Variants in THSD7A observed in about 807,000 individuals in gnomAD.
THSD7A encodes the protein thrombospondin type-1 domain-containing protein 7A.
In THSD7A, 96 loss-of-function variants were observed where a neutral mutation model predicts 231.3. That is an observed-to-expected ratio of 0.41 (90% CI 0.35 to 0.49). The LOEUF is 0.49. Ranked by LOEUF, THSD7A falls within the 20% of genes least tolerant of loss-of-function variation. The pLI, the probability that THSD7A is intolerant of heterozygous loss-of-function variation, is 0.05. For missense variants in THSD7A, 2,290 were observed against 2,070.2 expected, an observed-to-expected ratio of 1.11 and a Z score of -2.06; for synonymous variants, 940 against 743.3, an observed-to-expected ratio of 1.26 and a Z score of -4.30.
At chr7:11,598,385 G>A (rs1322171364) in intron 2 of THSD7A, among the ~76,000 whole-genome samples, 3 of 152,176 alleles carry the variant, frequency 2.0e-5, no homozygotes, top group African/African-American at 7.2e-5. Context: ...TGGATAGGAT[G>A]ACCTGTTCTG....
At chr7:11,518,062 C>A (rs2128315215) in intron 6 of THSD7A, among the ~76,000 whole-genome samples, 1 of 152,230 alleles carries the variant, frequency 6.6e-6, no homozygotes, top group South Asian at 2.1e-4. Flanking sequence ...GGATGGTTGA[C>A]CCTGCCCACC....
chr7:11,548,794 C>T (rs1583952639), intron 4 of THSD7A, among the ~76,000 whole-genome samples: 1 of 151,742 alleles, frequency 6.6e-6, no homozygotes, highest in Non-Finnish European at 1.5e-5. Flanking sequence ...TCTTTTGACT[C>T]AGCATCACTT....
chr7:11,732,598 A>T (rs575516854), intron 1 of THSD7A, among the ~76,000 whole-genome samples: 10 of 151,962 alleles, frequency 6.6e-5, no homozygotes, highest in Non-Finnish European at 1.0e-4. Flanking sequence ...ACATTTACAT[A>T]TACAGTGAAG....
At chr7:11,443,888 T>C (rs1011800181) in intron 13 of THSD7A, among the ~76,000 whole-genome samples, 3 of 152,084 alleles carry the variant, frequency 2.0e-5, no homozygotes, top group African/African-American at 2.4e-5. Flanking sequence ...ATAGAATCTA[T>C]GTGATAAGGT....
intron 16 of THSD7A, among the ~76,000 whole-genome samples, chr7:11,419,870 G>A (rs1039159644): frequency 1.3e-5 from 2 of 152,212 alleles, no homozygotes; most frequent in African/African-American, 2.4e-5. Context: ...CTTTAGCAAA[G>A]AGATGGGTGG....
In THSD7A at chr7:11,407,362, C is replaced by G. The variant is rs751436885; in HGVS notation, c.3860G>C (p.Cys1287Ser). 1 of 1,613,720 alleles carries G rather than the reference C, an allele frequency of 6.2e-7. No homozygotes were observed. Among genetic ancestry groups the G allele is most frequent in the African/African-American group, 1.3e-5 (1 of 75,046 alleles). ...TSCMVECPVN[C>S]QLSDWSPWSE... ...CCAAGGAGACCAATCAGAAAGCTGACAGTTCACAGGGCATTCCACCATGCA... is the reference window on the plus strand; with the variant it reads ...CCAAGGAGACCAATCAGAAAGCTGAGAGTTCACAGGGCATTCCACCATGCA... Residue 1287 changes from cysteine (C) to serine (S), a missense_variant, in exon 20 of 28, where the codon TGT becomes TCT. Coordinates refer to ENST00000423059, the MANE Select transcript of THSD7A (RefSeq NM_015204.3).
intron 6 of THSD7A, among the ~76,000 whole-genome samples, chr7:11,536,245 A>C (rs572049510): frequency 1.3e-5 from 2 of 152,270 alleles, no homozygotes; most frequent in South Asian, 2.1e-4. Flanking sequence ...GACACTGTTT[A>C]ATCGGGTCTT....
chr7:11,451,747 A>G lies in THSD7A; in HGVS notation c.2606-4323T>C, dbSNP rs550156711. 1.3e-3 allele frequency among the ~76,000 whole-genome samples: 197 copies of G among 152,190 alleles called. 1 individual carries two copies. Among genetic ancestry groups the G allele is most frequent in the Middle Eastern group, 0.01 (3 of 294 alleles). On this transcript the variant is annotated intron_variant, in intron 11 of 27. Coordinates refer to ENST00000423059, the MANE Select transcript of THSD7A (RefSeq NM_015204.3). ...ACATGGATATCTGTGTTATGCATAC[A>G]TGGATGTGTAAATGGAAGGCTACTG... is the stretch of plus-strand genomic sequence containing the variant.
intron 13 of THSD7A, among the ~76,000 whole-genome samples, chr7:11,434,110 C>T (rs1026417133): frequency 2.6e-5 from 4 of 151,970 alleles, no homozygotes; most frequent in African/African-American, 9.7e-5. Flanking sequence ...GCCTTCTCTG[C>T]TCAGATCATT....
chr7:11,715,633 T>C (rs1019657690), intron 1 of THSD7A, among the ~76,000 whole-genome samples: 3 of 151,496 alleles, frequency 2.0e-5, no homozygotes, highest in Non-Finnish European at 3.0e-5. Context: ...TGGAATTCTA[T>C]TTTTGCTTAA....
chr7:11,463,589 G>C (rs893813628), intron 9 of THSD7A, among the ~76,000 whole-genome samples: 2 of 152,116 alleles, frequency 1.3e-5, no homozygotes, highest in Admixed American at 6.6e-5. Flanking sequence ...TCCCGTTGTG[G>C]GGTGTCGTCT....
chr7:11,820,466 C>T, intron 1 of THSD7A: 1 of 1,199,688 alleles, frequency 8.3e-7, no homozygotes, highest in East Asian at 2.6e-5. Context: ...CGGCCCTGAC[C>T]CGGAGGTCAT....
chr7:11,755,724 C>G (rs991987095), intron 1 of THSD7A, among the ~76,000 whole-genome samples: 1 of 152,064 alleles, frequency 6.6e-6, no homozygotes, highest in South Asian at 2.1e-4. Flanking sequence ...TGGCTCAGAG[C>G]AGACCAGGGG....
intron 1 of THSD7A, among the ~76,000 whole-genome samples, chr7:11,801,112 G>A (rs555255395): frequency 3.9e-5 from 6 of 151,954 alleles, no homozygotes; most frequent in African/African-American, 1.2e-4. Context: ...GACCAGCCTC[G>A]GCAACAAGGA....
chr7:11,566,477 G>C (rs1790331181), intron 4 of THSD7A, among the ~76,000 whole-genome samples: 1 of 152,148 alleles, frequency 6.6e-6, no homozygotes, highest in Non-Finnish European at 1.5e-5. Context: ...ATCACCCTTT[G>C]AGGAACACAG....
intron 2 of THSD7A, among the ~76,000 whole-genome samples, chr7:11,599,317 A>C (rs1434761185): frequency 6.6e-6 from 1 of 152,198 alleles, no homozygotes; most frequent in Non-Finnish European, 1.5e-5. Context: ...CAGACTGCTG[A>C]GGTGCTTGCT....
chr7:11,408,630 G>T (rs1163596450), intron 19 of THSD7A, among the ~76,000 whole-genome samples: 1 of 152,058 alleles, frequency 6.6e-6, no homozygotes, highest in African/African-American at 2.4e-5. Flanking sequence ...GCATGAAAGA[G>T]AAGTTTATAT....
rs569000580 is a variant in THSD7A at position 11,445,417 on chromosome 7, A to G, written c.3064+644T>C. Among the ~76,000 whole-genome samples, 706 of 152,198 alleles carry G rather than the reference A, an allele frequency of 4.6e-3. 4 individuals are homozygous for G. The highest frequency in any genetic ancestry group is 0.016 in the African/African-American group (667 of 41,542). On this transcript the variant is annotated intron_variant, in intron 13 of 27. Transcript: ENST00000423059. ...TTCACAATCTTTTGGCAACACAATT[A>G]TAATTGCTGCGTTTTTCCTTTCTTT... is the stretch of plus-strand genomic sequence containing the variant.
intron 11 of THSD7A, among the ~76,000 whole-genome samples, chr7:11,454,243 A>G (rs1166494110): frequency 1.3e-5 from 2 of 152,078 alleles, no homozygotes; most frequent in East Asian, 3.9e-4. Context: ...AAGTTGCCAA[A>G]TCGTGTCAAT....
Sources: allele counts gnomAD v4.1 joint callset (sites outside exome capture counted in the v4.1 genomes callset), GRCh38; gene constraint gnomAD v4.1.1; transcripts MANE v1.5; gene names NCBI Gene and HGNC (gene_info 2026-07-23, HGNC 2026-07-21).